The following GALNT6 variants were observed in gnomAD, a reference collection of about 807,000 sequenced individuals.
The protein encoded by GALNT6 is polypeptide N-acetylgalactosaminyltransferase 6, also known as GalNAc transferase 6.
A neutral mutation model predicts 65.9 loss-of-function variants in GALNT6; 51 were observed. The observed-to-expected ratio is 0.77, with a 90% CI of 0.62 to 0.98. The LOEUF is 0.98. GALNT6 is among the 50% of genes least tolerant of loss of function. The pLI is 0.00. For synonymous variants in GALNT6, 323 were observed against 315.1 expected (o/e 1.02, Z -0.26); for missense variants, 708 against 803.3 (o/e 0.88, Z 1.43).
chr12:51,365,662 A>G, intron 4 of GALNT6, 83 bp from the exon 5 acceptor site: 29 of 1,413,186 alleles, frequency 2.1e-5, no homozygotes, highest in Non-Finnish European at 2.7e-5. Flanking sequence ...AGGGGCTCTC[A>G]GGCCTCTAGC....
At position 51,364,213 on chromosome 12, in the gene GALNT6, G is replaced by A. The variant is rs1234451839; in HGVS notation, c.957C>T (p.Ser319=). 6.2e-7 allele frequency: 1 copy of A among 1,614,176 alleles called. No individual in the cohort carries two copies. The highest frequency in any genetic ancestry group is 8.5e-7 in the Non-Finnish European group (1 of 1,180,002). ...AKPVQRGRVH[S]RGNFDWSLTF... ...TCAGGCTCCAGTCAAAGTTGCCTCG[G>A]CTATGGACTCTGCCCCTCTGGACGG... The change falls in exon 6 of 12, where the codon AGC becomes AGT. Residue 319 remains serine (S), a synonymous_variant. Coordinates refer to ENST00000356317, the MANE Select transcript of GALNT6 (RefSeq NM_007210.4).
At chr12:51,357,914 G>A (rs1360669563) in intron 9 of GALNT6, among the ~76,000 whole-genome samples, 2 of 152,216 alleles carry the variant, frequency 1.3e-5, no homozygotes, top group South Asian at 2.1e-4. Context: ...GCATGCTAAT[G>A]TTTCAGGACC....
At chr12:51,380,951 T>C (rs1947651071) in intron 2 of GALNT6, among the ~76,000 whole-genome samples, 1 of 152,110 alleles carries the variant, frequency 6.6e-6, no homozygotes. Flanking sequence ...CCTATACGTA[T>C]TTTATAAATA....
chr12:51,380,948 G>A (rs1947650877), intron 2 of GALNT6, among the ~76,000 whole-genome samples: 2 of 152,088 alleles, frequency 1.3e-5, no homozygotes, highest in African/African-American at 4.8e-5. Flanking sequence ...GACCCTATAC[G>A]TATTTTATAA....
At chr12:51,360,699 C>T (rs753321051) in intron 7 of GALNT6, 22 bp downstream of exon 7, 4 of 1,411,866 alleles carry the variant, frequency 2.8e-6, no homozygotes, top group East Asian at 4.6e-5. Flanking sequence ...GTGGTTCCCC[C>T]CAAAGCCCTC....
rs746093678 is a variant in GALNT6, at chr12:51,377,235, C to T, written c.624G>A (p.Leu208=). 3.1e-6 allele frequency: 5 copies of T among 1,613,920 alleles called. No individual in the cohort carries two copies. In the Admixed American group the frequency reaches 8.3e-5, roughly 27 times the overall value. The change falls in exon 4 of 12, where the codon TTG becomes TTA. Residue 208 remains leucine, a synonymous_variant. Coordinates refer to ENST00000356317, the MANE Select transcript of GALNT6 (RefSeq NM_007210.4). The stretch of plus-strand genomic sequence containing the variant: ...CATCCACCAGTATGATCTCCTTGAG[C>T]AAGATGGCAGGGGTGGTGTGTAGGA... ...YSVLHTTPAI[L]LKEIILVDDA...
chr12:51,374,728 G>A (rs533929567), intron 4 of GALNT6, among the ~76,000 whole-genome samples: 2 of 152,248 alleles, frequency 1.3e-5, no homozygotes, highest in South Asian at 2.1e-4. Context: ...GCCTAAAGGT[G>A]TCTCAGTCCC....
chr12:51,365,401 T>C, intron 5 of GALNT6, 29 bp downstream of exon 5: 1 of 1,589,462 alleles, frequency 6.3e-7, no homozygotes, highest in Non-Finnish European at 8.6e-7. Flanking sequence ...GCCTCCAGGT[T>C]ACACCCAGGC....
chr12:51,385,973 T>C (rs1378334934), intron 2 of GALNT6, among the ~76,000 whole-genome samples: 1 of 152,144 alleles, frequency 6.6e-6, no homozygotes. Flanking sequence ...TAGCTGGGAA[T>C]ACAGAGGTGC....
At chr12:51,372,862 G>A (rs937547996) in intron 4 of GALNT6, among the ~76,000 whole-genome samples, 1 of 152,220 alleles carries the variant, frequency 6.6e-6, no homozygotes, top group Non-Finnish European at 1.5e-5. Flanking sequence ...CCCACCTCTT[G>A]CATCAGCGTG....
intron 4 of GALNT6, among the ~76,000 whole-genome samples, chr12:51,370,884 A>AG (rs1227585496): frequency 6.6e-6 from 1 of 151,900 alleles, no homozygotes; most frequent in Non-Finnish European, 1.5e-5. Context: ...AAAGTTCCGG[A>AG]GATGGTTGCA....
rs146881762 is a variant in GALNT6, at chr12:51,358,107, GC to G, written c.1500+22del. The G allele has an allele frequency of 1.8e-4, 282 of 1,606,828 alleles. No homozygotes were observed. The African/African-American group carries it at 2.8e-3, about 16-fold the overall frequency. On this transcript the variant is annotated intron_variant, in intron 9 of 11. Transcript: ENST00000356317. ...CAAGGGGTGCTGTGGTGATGGGCAG[GC>G]AGGTTGGTTCTCAAGACTTACGGCA...
intron 2 of GALNT6, among the ~76,000 whole-genome samples, chr12:51,383,207 T>C (rs534901549): frequency 6.6e-6 from 1 of 152,268 alleles, no homozygotes; most frequent in Admixed American, 6.5e-5. Flanking sequence ...GGTTGAGCTA[T>C]GCTGGGGCTA....
intron 4 of GALNT6, among the ~76,000 whole-genome samples, chr12:51,375,131 C>T (rs1463606927): frequency 6.6e-6 from 1 of 152,174 alleles, no homozygotes; most frequent in Non-Finnish European, 1.5e-5. Flanking sequence ...CCGCCTCGGC[C>T]TCCCTAAGTG....
At chr12:51,377,162 C>A (rs1253419275) in intron 4 of GALNT6, 33 bp downstream of exon 4, 1 of 1,601,390 alleles carries the variant, frequency 6.2e-7, no homozygotes, top group Non-Finnish European at 8.5e-7. Context: ...AGGGGAGACC[C>A]CGGCCCCCTC....
chr12:51,379,536 C>T lies in GALNT6; in HGVS notation c.246G>A (p.Leu82=). The T allele has an allele frequency of 6.2e-7, 1 of 1,614,176 alleles. No individual in the cohort carries two copies. Among genetic ancestry groups the T allele is most frequent in the South Asian group, 1.1e-5 (1 of 91,084 alleles). The change falls in exon 3 of 12, where the codon CTG becomes CTA. Residue 82 remains leucine, a synonymous_variant. Coordinates refer to ENST00000356317, the MANE Select transcript of GALNT6 (RefSeq NM_007210.4). ...GGAGGCAGGACTGGTTTATGGAGAA[C>T]AGAGTCTGCTGGGCTTCTGGAGCCC... The part of the protein sequence containing the change: ...QIRAPEAQQT[L]FSINQSCLPG...
At chr12:51,362,694 A>C (rs1009268014) in intron 6 of GALNT6, among the ~76,000 whole-genome samples, 28 of 152,264 alleles carry the variant, frequency 1.8e-4, no homozygotes, top group Admixed American at 1.8e-3. Context: ...CTATGAAACA[A>C]ACATTGGGTC....
intron 4 of GALNT6, among the ~76,000 whole-genome samples, chr12:51,373,338 G>C (rs1592337820): frequency 6.6e-6 from 1 of 152,292 alleles, no homozygotes; most frequent in Non-Finnish European, 1.5e-5. Context: ...ATTGAATCAT[G>C]GGGCAGTTTC....
intron 2 of GALNT6, among the ~76,000 whole-genome samples, chr12:51,389,641 G>A (rs11836811): frequency 0.051 from 7,808 of 152,250 alleles, 672 homozygotes; most frequent in African/African-American, 0.17. Flanking sequence ...TCAGCTGCCT[G>A]CCTTCATGAT....
Sources: allele counts gnomAD v4.1 joint callset (sites outside exome capture counted in the v4.1 genomes callset), GRCh38; gene constraint gnomAD v4.1.1; transcripts MANE v1.5; gene names NCBI Gene and HGNC (gene_info 2026-07-23, HGNC 2026-07-21).